ADGRL2: variants seen among roughly 807,000 people sequenced by gnomAD.
ADGRL2 encodes the protein calcium-independent alpha-latrotoxin receptor 2.
ADGRL2 carries 44 observed loss-of-function variants against 157.4 expected under a neutral mutation model. The observed-to-expected ratio is 0.28, with a 90% confidence interval of 0.22 to 0.36. The LOEUF (loss-of-function observed/expected upper bound fraction) is 0.36, where lower values mean the gene tolerates loss of function less well. ADGRL2 is among the 10% of genes least tolerant of loss of function. The probability of loss-of-function intolerance (pLI) is 1.00; values close to 1 mark genes in which losing one functional copy is unlikely to be tolerated. For missense variants in ADGRL2, 1,510 were observed against 1,768.9 expected, an observed-to-expected ratio of 0.85 and a Z score of 2.63; for synonymous variants, 585 against 624.7, an observed-to-expected ratio of 0.94 and a Z score of 0.95.
chr1:81,492,907 A>G (rs2078662263), intron 2 of ADGRL2, among the ~76,000 whole-genome samples: 1 of 152,204 alleles, frequency 6.6e-6, no homozygotes, highest in African/African-American at 2.4e-5. Flanking sequence ...TTGTTTTAGA[A>G]TAGAAGAGTA....
intron 2 of ADGRL2, among the ~76,000 whole-genome samples, chr1:81,475,712 A>T (rs2078258688): frequency 6.6e-6 from 1 of 152,124 alleles, no homozygotes; most frequent in Non-Finnish European, 1.5e-5. Context: ...AGACAAGAAA[A>T]ACTGTAAGTG....
At chr1:81,511,103 A>G (rs571107836) in intron 2 of ADGRL2, among the ~76,000 whole-genome samples, 16 of 152,256 alleles carry the variant, frequency 1.1e-4, no homozygotes. Context: ...CTACCTCTCA[A>G]AGTAAAATTT....
chr1:81,792,772 A>G (rs1258238840), intron 2 of ADGRL2, among the ~76,000 whole-genome samples: 6 of 152,116 alleles, frequency 3.9e-5, no homozygotes, highest in Admixed American at 2.6e-4. Context: ...TATTTAACAT[A>G]AAGTGTTTGT....
intron 1 of ADGRL2, among the ~76,000 whole-genome samples, chr1:81,816,939 T>A (rs1343477577): frequency 6.6e-6 from 1 of 151,294 alleles, no homozygotes; most frequent in Non-Finnish European, 1.5e-5. Context: ...ATCTCATGAA[T>A]GTTGAATTCT....
chr1:81,960,690 G>A (rs978484674), intron 11 of ADGRL2, among the ~76,000 whole-genome samples: 12 of 152,036 alleles, frequency 7.9e-5, no homozygotes, highest in Non-Finnish European at 1.5e-4. Context: ...GGCCAGGCTG[G>A]TCTTGAATTC....
chr1:81,718,220 A>C lies in ADGRL2; in HGVS notation c.-143+18412A>C, dbSNP rs368286245. 5.9e-5 allele frequency among the ~76,000 whole-genome samples: 9 copies of C among 152,256 alleles called. No individual in the cohort carries two copies. The East Asian group carries it at 1.6e-3, about 26-fold the overall frequency. ...TTTTTAGTAGAGACAGGGTTTCACC[A>C]TGTTGGCCAGGATGGTCTCGATCTC... On this transcript the variant is annotated intron_variant, in intron 1 of 20. Coordinates refer to the ADGRL2 transcript ENST00000359929.
intron 1 of ADGRL2, among the ~76,000 whole-genome samples, chr1:81,416,936 G>A (rs557489423): frequency 4.6e-5 from 7 of 152,286 alleles, no homozygotes; most frequent in Non-Finnish European, 1.0e-4. Context: ...ACCTGGCATA[G>A]ATCCCAAGAA....
rs368317062 is a variant in ADGRL2, at chr1:81,759,216, C to T, written c.-142-2595C>T. 1.4e-3 allele frequency among the ~76,000 whole-genome samples: 218 copies of T among 152,142 alleles called. 6 individuals carry two copies. The South Asian group carries it at 0.041, about 29-fold the overall frequency. On this transcript the variant is annotated intron_variant, in intron 1 of 20. Coordinates refer to the ADGRL2 transcript ENST00000359929. Reference sequence around the variant, plus strand: ...GAGTGATAAATCCAGCTATAGAAAGCATCTTTTTGGTTGCCTCTTAATGAA... The same window carrying T: ...GAGTGATAAATCCAGCTATAGAAAGTATCTTTTTGGTTGCCTCTTAATGAA...
chr1:81,521,719 T>G (rs1471656832), intron 2 of ADGRL2, among the ~76,000 whole-genome samples: 1 of 152,190 alleles, frequency 6.6e-6, no homozygotes, highest in Non-Finnish European at 1.5e-5. Context: ...GAGTTTTCAT[T>G]CTTTCCACAC....
chr1:81,602,817 G>A lies in ADGRL2; in HGVS notation c.-143+21837G>A, dbSNP rs182561815. Among the ~76,000 whole-genome samples, 324 of 149,324 alleles carry A rather than the reference G, an allele frequency of 2.2e-3. 1 individual carries two copies. The highest frequency in any genetic ancestry group is 7.5e-3 in the African/African-American group (303 of 40,502). ...GGGGGCTGAGGCTTGAGAATTGCTT[G>A]AACCCAGGAGACAGAGGTTGCAGTG... On this transcript the variant is annotated intron_variant, in intron 3 of 24. Coordinates refer to the ADGRL2 transcript ENST00000370721.
intron 3 of ADGRL2, among the ~76,000 whole-genome samples, chr1:81,602,897 CAAA>C (rs35152437): frequency 5.0e-5 from 6 of 120,368 alleles, no homozygotes; most frequent in African/African-American, 9.5e-5. Context: ...GACTCTGTCT[CAAA>C]AAAAAAAAAA....
chr1:81,546,311 G>A (rs1370691335), intron 2 of ADGRL2, among the ~76,000 whole-genome samples: 2 of 152,112 alleles, frequency 1.3e-5, no homozygotes, highest in Non-Finnish European at 2.9e-5. Context: ...CGCAAAGTCC[G>A]GCTTACTCCT....
At chr1:81,492,858 G>A (rs1235261474) in intron 2 of ADGRL2, among the ~76,000 whole-genome samples, 1 of 152,094 alleles carries the variant, frequency 6.6e-6, no homozygotes, top group African/African-American at 2.4e-5. Context: ...TTCCTTTCTG[G>A]ATTTCTTCTT....
intron 2 of ADGRL2, among the ~76,000 whole-genome samples, chr1:81,894,315 C>T (rs1571965029): frequency 6.6e-6 from 1 of 152,158 alleles, no homozygotes; most frequent in East Asian, 1.9e-4. Flanking sequence ...AGGTAGAGTT[C>T]ACAGAGTGGG....
intron 2 of ADGRL2, among the ~76,000 whole-genome samples, chr1:81,776,111 T>C (rs1382748794): frequency 6.6e-6 from 1 of 152,114 alleles, no homozygotes; most frequent in Non-Finnish European, 1.5e-5. Context: ...ACTTCTTCTA[T>C]CATGATATTA....
chr1:81,353,233 G>A (rs1663042045), intron 1 of ADGRL2, among the ~76,000 whole-genome samples: 1 of 152,180 alleles, frequency 6.6e-6, no homozygotes, highest in African/African-American at 2.4e-5. Context: ...GCATTGCCAT[G>A]AAAGGTATGA....
chr1:81,805,683 GTTTA>G (rs1332304320), intron 1 of ADGRL2, among the ~76,000 whole-genome samples: 4 of 143,446 alleles, frequency 2.8e-5, no homozygotes, highest in Admixed American at 2.1e-4. Context: ...TTTTATGGTA[GTTTA>G]TTTATCTGAT....
chr1:81,545,562 G>A (rs970848541), intron 2 of ADGRL2, among the ~76,000 whole-genome samples: 14 of 152,094 alleles, frequency 9.2e-5, no homozygotes, highest in African/African-American at 3.1e-4. Flanking sequence ...TTACAGGCTT[G>A]AGCTATCGAG....
chr1:81,870,911 CTT>C (rs35850191), intron 2 of ADGRL2, among the ~76,000 whole-genome samples: 2 of 137,762 alleles, frequency 1.5e-5, no homozygotes, highest in African/African-American at 5.3e-5. Flanking sequence ...TTAATCTTTC[CTT>C]TTTTTTTTTG....
Sources: gnomAD v4.1 joint callset for allele counts (sites outside exome capture counted in the v4.1 genomes callset) on GRCh38, gnomAD v4.1.1 for gene constraint, MANE v1.5 for transcripts, NCBI Gene and HGNC (gene_info 2026-07-23, HGNC 2026-07-21) for gene names.